STARD13: variants seen among roughly 807,000 people sequenced by gnomAD.
STARD13 encodes stAR-related lipid transfer protein 13.
STARD13 carries 62 observed loss-of-function variants against 106.4 expected under a neutral mutation model. The observed-to-expected ratio is 0.58, with a 90% CI of 0.48 to 0.72. The LOEUF (loss-of-function observed/expected upper bound fraction) is 0.72. Ranked by LOEUF, STARD13 falls within the 30% of genes least tolerant of loss-of-function variation. The pLI is 0.00. For synonymous variants in STARD13, 565 were observed against 553.0 expected (o/e 1.02, Z -0.31); for missense variants, 1,387 against 1,424.0 (o/e 0.97, Z 0.42).
intron 6 of STARD13, 135 bp downstream of exon 6, chr13:33,127,238 C>T: frequency 2.0e-6 from 2 of 980,208 alleles, no homozygotes; most frequent in Non-Finnish European, 2.8e-6. Context: ...AGAGCTCATG[C>T]CTTATGTCCA....
At chr13:33,139,848 C>G (rs1879580563) in intron 4 of STARD13, among the ~76,000 whole-genome samples, 1 of 152,070 alleles carries the variant, frequency 6.6e-6, no homozygotes, top group Non-Finnish European at 1.5e-5. Flanking sequence ...ACAGTGTCTC[C>G]TAAGTGGTTG....
intron 1 of STARD13, among the ~76,000 whole-genome samples, chr13:33,247,423 T>G (rs1207329408): frequency 6.6e-6 from 1 of 151,904 alleles, no homozygotes; most frequent in Non-Finnish European, 1.5e-5. Context: ...CAGACACGAA[T>G]TCAACATGAG....
At chr13:33,415,365 C>T in the STARD13 span, among the ~76,000 whole-genome samples, 2 of 151,988 alleles carry the variant, frequency 1.3e-5, no homozygotes, top group Non-Finnish European at 2.9e-5. Flanking sequence ...GAGACTCCGT[C>T]TCAAAAAATA....
intron 1 of STARD13, among the ~76,000 whole-genome samples, chr13:33,230,270 G>A (rs1277604503): frequency 2.0e-5 from 3 of 152,168 alleles, no homozygotes; most frequent in Non-Finnish European, 2.9e-5. Flanking sequence ...TTACTGTCAC[G>A]CTCTTGACTT....
At chr13:33,530,454 G>GC in the STARD13 span, among the ~76,000 whole-genome samples, 1 of 148,466 alleles carries the variant, frequency 6.7e-6, no homozygotes, top group African/African-American at 2.6e-5. Context: ...GTGTGGTCTT[G>GC]CCCCTTCATA....
the STARD13 span, among the ~76,000 whole-genome samples, chr13:33,416,595 AG>A: frequency 6.6e-6 from 1 of 152,218 alleles, no homozygotes; most frequent in African/African-American, 2.4e-5. Context: ...TCATTTCAAT[AG>A]GGGGAAAATG....
chr13:33,128,768 C>T (rs1282523879), intron 5 of STARD13, among the ~76,000 whole-genome samples, 161 bp downstream of exon 5: 3 of 152,190 alleles, frequency 2.0e-5, no homozygotes, highest in Non-Finnish European at 2.9e-5. Flanking sequence ...GATACCTGTA[C>T]AGAAGTCATA....
At chr13:33,545,077 T>C in the STARD13 span, among the ~76,000 whole-genome samples, 8 of 152,060 alleles carry the variant, frequency 5.3e-5, no homozygotes, top group Non-Finnish European at 7.4e-5. Flanking sequence ...GCCTCAGCCT[T>C]CCTGAGTAGC....
chr13:33,572,860 G>C, the STARD13 span, among the ~76,000 whole-genome samples: 1 of 152,150 alleles, frequency 6.6e-6, no homozygotes. Context: ...ATGGAAGGAT[G>C]CACATAGGTT....
At chr13:33,422,608 T>C in the STARD13 span, among the ~76,000 whole-genome samples, 17 of 152,142 alleles carry the variant, frequency 1.1e-4, no homozygotes, top group African/African-American at 4.1e-4. Flanking sequence ...AAAGTTCATA[T>C]GGAACCAAAA....
the STARD13 span, among the ~76,000 whole-genome samples, chr13:33,459,099 A>G: frequency 6.6e-6 from 1 of 152,182 alleles, no homozygotes; most frequent in African/African-American, 2.4e-5. Context: ...CTATTGAGGT[A>G]CAAATGATGT....
chr13:33,415,869 T>C, the STARD13 span, among the ~76,000 whole-genome samples: 2 of 152,252 alleles, frequency 1.3e-5, no homozygotes, highest in African/African-American at 2.4e-5. Flanking sequence ...GTAAGATAGA[T>C]TAGAAAAGTG....
the STARD13 span, among the ~76,000 whole-genome samples, chr13:33,553,061 G>A: frequency 1.3e-5 from 2 of 152,094 alleles, no homozygotes; most frequent in African/African-American, 4.8e-5. Context: ...CATTTTATTT[G>A]TTTTTAGTAT....
rs1261221847 is a variant in STARD13 at position 33,129,669 on chromosome 13, C to T, written c.1008G>A (p.Ser336=). 26 of 1,613,914 alleles carry T rather than the reference C, an allele frequency of 1.6e-5. No homozygotes were observed. The highest frequency in any genetic ancestry group is 1.1e-4 in the African/African-American group (8 of 74,926). ...SGKSSGESSP[S]EHSSSGVSTP... is the part of the protein sequence containing the mutation. ...TGCTCACCCCGCTGCTGCTGTGCTC[C>T]GACGGGCTGCTCTCGCCACTCGACT... The change falls in exon 5 of 14, where the codon TCG becomes TCA. Residue 336 remains serine (S), a synonymous_variant. Coordinates refer to ENST00000336934, the MANE Select transcript of STARD13 (RefSeq NM_178006.4).
chr13:33,438,981 C>T, the STARD13 span, among the ~76,000 whole-genome samples: 1 of 152,154 alleles, frequency 6.6e-6, no homozygotes, highest in African/African-American at 2.4e-5. Context: ...TAGCAATACG[C>T]TATCTACAAG....
chr13:33,325,292 G>C lies in STARD13; in HGVS notation c.124+24998C>G, dbSNP rs549426638. 9.7e-4 allele frequency among the ~76,000 whole-genome samples: 147 copies of C among 152,228 alleles called. 1 individual carries two copies. The highest frequency in any genetic ancestry group is 3.7e-3 in the Admixed American group (56 of 15,294). On this transcript the variant is annotated intron_variant, in intron 1 of 5. Coordinates refer to the STARD13 transcript ENST00000567873. ...AAATCCTAAAATGGCTGGCATGTGAGGCCTCAGTAGCTCCAAAAGGAAACA... is the reference window on the plus strand; with the variant it reads ...AAATCCTAAAATGGCTGGCATGTGACGCCTCAGTAGCTCCAAAAGGAAACA...
the STARD13 span, among the ~76,000 whole-genome samples, chr13:33,422,848 G>C: frequency 3.3e-5 from 5 of 152,150 alleles, no homozygotes; most frequent in African/African-American, 9.7e-5. Context: ...ATGGGGAAAG[G>C]ATACCCTATT....
At chr13:33,574,174 A>C in the STARD13 span, among the ~76,000 whole-genome samples, 1 of 152,178 alleles carries the variant, frequency 6.6e-6, no homozygotes, top group Non-Finnish European at 1.5e-5. Context: ...TATGCTGCAG[A>C]AATCTATAAT....
the STARD13 span, among the ~76,000 whole-genome samples, chr13:33,664,613 A>G: frequency 6.6e-6 from 1 of 152,086 alleles, no homozygotes; most frequent in East Asian, 1.9e-4. Flanking sequence ...CAGTTACCGA[A>G]CTTAAAAAAA....
Sources: gnomAD v4.1 joint callset for allele counts (sites outside exome capture counted in the v4.1 genomes callset) on GRCh38, gnomAD v4.1.1 for gene constraint, MANE v1.5 for transcripts, NCBI Gene and HGNC (gene_info 2026-07-23, HGNC 2026-07-21) for gene names.